Variants in SLC12A6 observed in about 807,000 individuals in gnomAD.
The protein encoded by SLC12A6 is K-Cl cotransporter 3.
SLC12A6 carries 66 observed loss-of-function variants against 135.3 expected under a neutral mutation model. That is an observed-to-expected ratio of 0.49 (90% confidence interval 0.40 to 0.60). The LOEUF (loss-of-function observed/expected upper bound fraction) is 0.60. Ranked by LOEUF, SLC12A6 falls within the 20% of genes least tolerant of loss-of-function variation. SLC12A6 has a pLI of 0.00. For synonymous variants in SLC12A6, 513 were observed against 508.8 expected, an observed-to-expected ratio of 1.01 and a Z score of -0.11; for missense variants, 1,058 against 1,452.3, an observed-to-expected ratio of 0.73 and a Z score of 4.41.
intron 11 of SLC12A6, 38 bp from the exon 12 acceptor site, chr15:34,250,767 T>C: frequency 7.1e-7 from 1 of 1,406,764 alleles, no homozygotes; most frequent in South Asian, 1.2e-5. Context: ...GTTAACTTCT[T>C]GGACACTTTG....
At position 34,294,290 on chromosome 15, in the gene SLC12A6, T is replaced by C. The variant is rs557304509; in HGVS notation, c.272-18901A>G. Among the ~76,000 whole-genome samples, 6 of 152,112 alleles carry C rather than the reference T, an allele frequency of 3.9e-5. No homozygotes were observed. The East Asian group carries it at 9.7e-4, about 25-fold the overall frequency. On this transcript the variant is annotated intron_variant, in intron 2 of 25. Coordinates refer to ENST00000354181, the MANE Select transcript of SLC12A6 (RefSeq NM_001365088.1). ...CTCTGTCACCCAGGCTGGAGTGCAG[T>C]GGTGTGATCACGGCTCACTGCAAAC...
At chr15:34,330,973 C>T (rs1179074961) in intron 2 of SLC12A6, among the ~76,000 whole-genome samples, 2 of 151,914 alleles carry the variant, frequency 1.3e-5, no homozygotes, top group South Asian at 2.1e-4. Flanking sequence ...ACCCAGGAGG[C>T]GGAGGTTGCA....
rs918952049 is a variant in SLC12A6 at position 34,310,215 on chromosome 15, G to A, written c.271+26195C>T. Among the ~76,000 whole-genome samples the A allele has an allele frequency of 8.9e-4, 127 of 142,196 alleles. 4 individuals carry two copies. Among genetic ancestry groups the A allele is most frequent in the African/African-American group, 3.3e-3 (118 of 36,122 alleles). The allele number at this position is 142,196 out of a possible 152,430, so 93.3% of individuals were successfully genotyped here. On this transcript the variant is annotated intron_variant, in intron 2 of 25. Coordinates refer to ENST00000354181, the MANE Select transcript of SLC12A6 (RefSeq NM_001365088.1). ...TGTGTGTGTGTGTGTGTGTCCCTGTGTCCAGGCTAGTGTTGAACTCCTGGG... is the reference window on the plus strand; with the variant it reads ...TGTGTGTGTGTGTGTGTGTCCCTGTATCCAGGCTAGTGTTGAACTCCTGGG...
At chr15:34,235,874 CCAG>C in intron 24 of SLC12A6, 138 bp downstream of exon 24, 1 of 747,010 alleles carries the variant, frequency 1.3e-6, no homozygotes, top group Non-Finnish European at 2.5e-6. Flanking sequence ...TCATTGGGAG[CCAG>C]TATGAACAGG....
intron 3 of SLC12A6, among the ~76,000 whole-genome samples, chr15:34,269,303 T>A (rs1595468238): frequency 9.5e-6 from 1 of 105,478 alleles, no homozygotes; most frequent in African/African-American, 4.9e-5. Flanking sequence ...TCATGGCATA[T>A]TTTTTTTTTG....
intron 2 of SLC12A6, among the ~76,000 whole-genome samples, chr15:34,332,159 T>C (rs541239336): frequency 2.6e-5 from 4 of 152,258 alleles, no homozygotes; most frequent in Admixed American, 1.3e-4. Context: ...GTTGGACTTA[T>C]ACAGCATTAT....
At chr15:34,283,311 C>T (rs1481643103) in intron 2 of SLC12A6, among the ~76,000 whole-genome samples, 1 of 151,674 alleles carries the variant, frequency 6.6e-6, no homozygotes, top group Non-Finnish European at 1.5e-5. Context: ...CCATTGCACT[C>T]CAACCTGGGT....
intron 3 of SLC12A6, 142 bp from the exon 4 acceptor site, chr15:34,261,162 G>A: frequency 3.1e-6 from 2 of 651,820 alleles, no homozygotes; most frequent in South Asian, 1.6e-5. Context: ...AATCAGCACT[G>A]CTTGGAGAAT....
chr15:34,238,696 A>C (rs1457557010), intron 20 of SLC12A6: 21 of 599,484 alleles, frequency 3.5e-5, no homozygotes, highest in Non-Finnish European at 2.4e-5. Context: ...TCCTGTGAGA[A>C]CATCAATATG....
At chr15:34,331,719 G>A (rs1176931761) in intron 2 of SLC12A6, among the ~76,000 whole-genome samples, 1 of 152,124 alleles carries the variant, frequency 6.6e-6, no homozygotes, top group Non-Finnish European at 1.5e-5. Flanking sequence ...ACAAAATATA[G>A]TGATATAGGT....
intron 9 of SLC12A6, among the ~76,000 whole-genome samples, chr15:34,253,323 A>G (rs1298333122): frequency 6.6e-6 from 1 of 152,194 alleles, no homozygotes; most frequent in Non-Finnish European, 1.5e-5. Context: ...TGTACTAATC[A>G]AAAAAGAGGA....
intron 2 of SLC12A6, among the ~76,000 whole-genome samples, chr15:34,292,089 C>T (rs1280698370): frequency 6.6e-6 from 1 of 152,094 alleles, no homozygotes; most frequent in Non-Finnish European, 1.5e-5. Flanking sequence ...ATTTTTTAGC[C>T]TTTCTGCTCT....
At chr15:34,288,190 T>C (rs149039991) in intron 2 of SLC12A6, among the ~76,000 whole-genome samples, 11 of 152,350 alleles carry the variant, frequency 7.2e-5, no homozygotes, top group African/African-American at 2.6e-4. Context: ...GTTTTCTGCA[T>C]ATGGATAGCC....
intron 3 of SLC12A6, among the ~76,000 whole-genome samples, chr15:34,271,937 G>C (rs1268667899): frequency 6.6e-6 from 1 of 152,010 alleles, no homozygotes; most frequent in Non-Finnish European, 1.5e-5. Flanking sequence ...GGTTTTTAGG[G>C]AGAGCTGGGA....
chr15:34,251,421 A>G (rs1465900779), intron 10 of SLC12A6, among the ~76,000 whole-genome samples: 2 of 151,778 alleles, frequency 1.3e-5, no homozygotes, highest in African/African-American at 2.4e-5. Flanking sequence ...CTAATTTTTT[A>G]TATTTTTAGT....
At chr15:34,312,908 TATTGAA>T (rs1360259643) in intron 2 of SLC12A6, among the ~76,000 whole-genome samples, 1 of 152,236 alleles carries the variant, frequency 6.6e-6, no homozygotes, top group African/African-American at 2.4e-5. Context: ...TTGCTGTTAC[TATTGAA>T]ATTGTTTTGG....
At chr15:34,299,790 A>G (rs1595527839) in intron 2 of SLC12A6, 1 of 152,186 alleles carries the variant, frequency 6.6e-6, no homozygotes, top group African/African-American at 2.4e-5. Context: ...GATGTTCTAG[A>G]TCGTGTAGGT....
At position 34,268,879 on chromosome 15, in the gene SLC12A6, C is replaced by T. The variant is rs548606369; in HGVS notation, c.316+6466G>A. Among the ~76,000 whole-genome samples, 16 of 149,508 alleles carry T rather than the reference C, an allele frequency of 1.1e-4. 1 individual carries two copies. In the South Asian group the frequency reaches 1.5e-3, roughly 14 times the overall value. On this transcript the variant is annotated intron_variant, in intron 3 of 25. Transcript: ENST00000354181. Reference sequence around the variant, plus strand: ...TCTTTCTTTCTTTTTTTTTTTGAGACGGAGTCTTGCTCTGTTGCCCAGTCT... The same window carrying T: ...TCTTTCTTTCTTTTTTTTTTTGAGATGGAGTCTTGCTCTGTTGCCCAGTCT...
chr15:34,269,531 C>A (rs1282379751), intron 3 of SLC12A6, among the ~76,000 whole-genome samples: 1 of 152,158 alleles, frequency 6.6e-6, no homozygotes, highest in Non-Finnish European at 1.5e-5. Context: ...CCTAATTTCC[C>A]TTGGCACAGG....
Sources: allele counts gnomAD v4.1 joint callset (sites outside exome capture counted in the v4.1 genomes callset), GRCh38; gene constraint gnomAD v4.1.1; transcripts MANE v1.5; gene names NCBI Gene and HGNC (gene_info 2026-07-23, HGNC 2026-07-21).